Variants in TACR3 observed in about 807,000 individuals in gnomAD.
TACR3 encodes neuromedin-K receptor.
A neutral mutation model predicts 35.0 loss-of-function variants in TACR3; 34 were observed. The observed-to-expected ratio is 0.97, with a 90% CI of 0.74 to 1.30. The LOEUF is 1.30. TACR3 is among the 50% of genes most tolerant of loss of function. The pLI is 0.00. For missense variants in TACR3, 558 were observed against 591.7 expected (o/e 0.94, Z 0.59); for synonymous variants, 233 against 221.1 (o/e 1.05, Z -0.48).
intron 1 of TACR3, among the ~76,000 whole-genome samples, chr4:103,715,909 A>T (rs1461587723): frequency 6.6e-6 from 1 of 152,172 alleles, no homozygotes; most frequent in Non-Finnish European, 1.5e-5. Context: ...AAGATATGTT[A>T]TATATACATG....
intron 3 of TACR3, among the ~76,000 whole-genome samples, chr4:103,600,155 G>A (rs1039525000): frequency 7.2e-5 from 11 of 152,088 alleles, no homozygotes; most frequent in African/African-American, 2.7e-4. Context: ...TCTATTCAGA[G>A]ATTCAACTTC....
At chr4:103,615,994 A>G (rs1724649900) in intron 3 of TACR3, among the ~76,000 whole-genome samples, 2 of 152,240 alleles carry the variant, frequency 1.3e-5, no homozygotes, top group Admixed American at 1.3e-4. Flanking sequence ...AATACATTTT[A>G]TAACAGTGCA....
intron 1 of TACR3, among the ~76,000 whole-genome samples, chr4:103,677,664 T>C (rs77158924): frequency 0.035 from 5,382 of 152,082 alleles, 314 homozygotes; most frequent in African/African-American, 0.12. Flanking sequence ...ATGAGAACAC[T>C]TGGACACATA....
At chr4:103,638,157 G>T (rs1014517030) in intron 3 of TACR3, among the ~76,000 whole-genome samples, 27 of 152,056 alleles carry the variant, frequency 1.8e-4, no homozygotes, top group Non-Finnish European at 2.4e-4. Context: ...AAAGAACAAA[G>T]CTGGAGGCAT....
intron 3 of TACR3, among the ~76,000 whole-genome samples, chr4:103,645,665 G>T (rs1309237855): frequency 6.6e-6 from 1 of 151,962 alleles, no homozygotes; most frequent in Non-Finnish European, 1.5e-5. Flanking sequence ...CAGGAAATGA[G>T]TTCTGCACCC....
chr4:103,707,166 A>C (rs1722814070), intron 1 of TACR3, among the ~76,000 whole-genome samples: 2 of 152,250 alleles, frequency 1.3e-5, no homozygotes, highest in South Asian at 4.1e-4. Context: ...TTTTACTCAT[A>C]CAAATAATTC....
At chr4:103,687,826 G>A (rs939978916) in intron 1 of TACR3, among the ~76,000 whole-genome samples, 2 of 152,050 alleles carry the variant, frequency 1.3e-5, no homozygotes, top group African/African-American at 4.8e-5. Context: ...TACTGCCCAA[G>A]GTAATTTATA....
intron 1 of TACR3, among the ~76,000 whole-genome samples, chr4:103,679,574 C>T (rs890584163): frequency 1.3e-5 from 2 of 151,916 alleles, no homozygotes; most frequent in Non-Finnish European, 2.9e-5. Context: ...AATAACAACC[C>T]TTTGTGGAGT....
At chr4:103,653,906 C>G in intron 3 of TACR3, among the ~76,000 whole-genome samples, 1 of 152,026 alleles carries the variant, frequency 6.6e-6, no homozygotes, top group Non-Finnish European at 1.5e-5. Context: ...AGATACTTCT[C>G]AAAAGAAGAC....
At chr4:103,669,535 T>A (rs1208231722) in intron 1 of TACR3, among the ~76,000 whole-genome samples, 1 of 152,132 alleles carries the variant, frequency 6.6e-6, no homozygotes, top group African/African-American at 2.4e-5. Context: ...TAAAAGCTAT[T>A]TTAACTGAGG....
At chr4:103,623,653 C>G (rs1413779199) in intron 3 of TACR3, among the ~76,000 whole-genome samples, 1 of 152,010 alleles carries the variant, frequency 6.6e-6, no homozygotes, top group Non-Finnish European at 1.5e-5. Context: ...GACCAGAGAG[C>G]AATAGAAACT....
chr4:103,609,364 C>T (rs1043844188), intron 3 of TACR3, among the ~76,000 whole-genome samples: 36 of 152,066 alleles, frequency 2.4e-4, no homozygotes, highest in East Asian at 7.7e-4. Context: ...CTCTTGCTGT[C>T]TTCCCTCAAT....
At chr4:103,591,714 TATA>T in intron 3 of TACR3, 31 bp from the exon 4 acceptor site, 1 of 1,571,660 alleles carries the variant, frequency 6.4e-7, no homozygotes, top group Non-Finnish European at 8.7e-7. Context: ...TTTTGACAAA[TATA>T]ATACTCATAA....
chr4:103,614,578 G>A (rs927866250), intron 3 of TACR3, among the ~76,000 whole-genome samples: 1 of 152,112 alleles, frequency 6.6e-6, no homozygotes, highest in Non-Finnish European at 1.5e-5. Context: ...TACAAAATTT[G>A]ATTTAAATCT....
chr4:103,719,102 T>C (rs200630278), intron 1 of TACR3, 26 bp downstream of exon 1: 2 of 1,614,028 alleles, frequency 1.2e-6, no homozygotes, highest in Non-Finnish European at 1.7e-6. Flanking sequence ...TTCTCCCTCT[T>C]TCCTCTCTGT....
At chr4:103,716,011 AG>A (rs1415944534) in intron 1 of TACR3, among the ~76,000 whole-genome samples, 1 of 152,198 alleles carries the variant, frequency 6.6e-6, no homozygotes, top group Non-Finnish European at 1.5e-5. Flanking sequence ...ACAACTTGTT[AG>A]GTGTCATAAT....
chr4:103,682,391 A>G (rs1436246461), intron 1 of TACR3, among the ~76,000 whole-genome samples: 3 of 152,168 alleles, frequency 2.0e-5, no homozygotes, highest in East Asian at 3.9e-4. Flanking sequence ...ACTTACAATT[A>G]TGGTAGAAGA....
chr4:103,708,260 G>A (rs934852253), intron 1 of TACR3, among the ~76,000 whole-genome samples: 4 of 152,170 alleles, frequency 2.6e-5, no homozygotes, highest in Admixed American at 6.5e-5. Context: ...TCCAGTAGGG[G>A]CAGACTGACA....
intron 3 of TACR3, among the ~76,000 whole-genome samples, chr4:103,602,696 G>C (rs7657500): frequency 0.035 from 5,261 of 152,294 alleles, 335 homozygotes; most frequent in African/African-American, 0.12. Context: ...AGTGGCTGCA[G>C]AACAGCGGAT....
Sources: gnomAD v4.1 joint callset for allele counts (sites outside exome capture counted in the v4.1 genomes callset) on GRCh38, gnomAD v4.1.1 for gene constraint, MANE v1.5 for transcripts, NCBI Gene and HGNC (gene_info 2026-07-23, HGNC 2026-07-21) for gene names.